The following OSBPL9 variants were observed in gnomAD, a reference collection of about 807,000 sequenced individuals.
The protein encoded by OSBPL9 is oxysterol binding protein like 9.
A neutral mutation model predicts 106.6 loss-of-function variants in OSBPL9; 40 were observed. The observed-to-expected ratio is 0.38, with a 90% CI of 0.29 to 0.49. The LOEUF (loss-of-function observed/expected upper bound fraction) is 0.49. Ranked by LOEUF, OSBPL9 falls within the 20% of genes least tolerant of loss-of-function variation. The pLI is 0.97. For missense variants in OSBPL9, 609 were observed against 887.2 expected, an observed-to-expected ratio of 0.69 and a Z score of 3.98; for synonymous variants, 269 against 295.4, an observed-to-expected ratio of 0.91 and a Z score of 0.92.
At chr1:51,579,979 G>A (rs1194043869) in intron 1 of OSBPL9, among the ~76,000 whole-genome samples, 1 of 152,110 alleles carries the variant, frequency 6.6e-6, no homozygotes, top group African/African-American at 2.4e-5. Flanking sequence ...TGTCTCCACC[G>A]TCCTTGTTCT....
At chr1:51,540,437 A>G in the OSBPL9 span, among the ~76,000 whole-genome samples, 6 of 151,910 alleles carry the variant, frequency 3.9e-5, no homozygotes, top group Non-Finnish European at 7.4e-5. Flanking sequence ...TGGGCAGATC[A>G]CGAGGTCAAG....
chr1:51,740,112 C>G (rs1293365438), intron 4 of OSBPL9: 1 of 1,548,720 alleles, frequency 6.5e-7, no homozygotes, highest in African/African-American at 1.4e-5. Context: ...TGGTAACTTT[C>G]TATTCTCTCT....
intron 1 of OSBPL9, among the ~76,000 whole-genome samples, chr1:51,630,542 T>C (rs1324981186): frequency 6.6e-6 from 1 of 152,202 alleles, no homozygotes; most frequent in Non-Finnish European, 1.5e-5. Context: ...TACACCTGTA[T>C]AGGGCACTTA....
rs772107797 is a variant in OSBPL9 at position 51,786,624 on chromosome 1, C to T, written c.2000+7C>T. The T allele has an allele frequency of 1.0e-5, 16 of 1,605,824 alleles. No individual in the cohort carries two copies. Among genetic ancestry groups the T allele is most frequent in the Admixed American group, 3.3e-5 (2 of 59,912 alleles). The stretch of plus-strand genomic sequence containing the variant: ...ACGAGTATGAATCCCGCAGGTAAGC[C>T]GACATTGTTAAGTGGAACTATTGCT... On this transcript the variant is annotated splice_region_variant and intron_variant, in intron 22 of 23. Coordinates refer to ENST00000428468, the MANE Select transcript of OSBPL9 (RefSeq NM_024586.6).
chr1:51,641,875 G>A (rs187852455), intron 1 of OSBPL9, among the ~76,000 whole-genome samples: 1 of 152,234 alleles, frequency 6.6e-6, no homozygotes, highest in East Asian at 1.9e-4. Context: ...ATATCCTAAG[G>A]TGTTTGCTGC....
At chr1:51,750,284 T>G (rs954378765) in intron 8 of OSBPL9, 89 bp downstream of exon 8, 1 of 806,348 alleles carries the variant, frequency 1.2e-6, no homozygotes, top group African/African-American at 1.7e-5. Flanking sequence ...AACTCAGATC[T>G]GAAACATAGT....
At chr1:51,766,413 A>G (rs1672563848) in intron 12 of OSBPL9, among the ~76,000 whole-genome samples, 1 of 152,220 alleles carries the variant, frequency 6.6e-6, no homozygotes, top group African/African-American at 2.4e-5. Flanking sequence ...TTCAACACCT[A>G]TCAGCCAGGC....
chr1:51,667,892 T>C (rs1438099696), intron 2 of OSBPL9, among the ~76,000 whole-genome samples: 1 of 152,198 alleles, frequency 6.6e-6, no homozygotes, highest in Non-Finnish European at 1.5e-5. Context: ...TTTCCCTATT[T>C]GAAAATGGAG....
chr1:51,574,938 G>C (rs1237956890), upstream of OSBPL9, among the ~76,000 whole-genome samples: 1 of 152,154 alleles, frequency 6.6e-6, no homozygotes, highest in South Asian at 2.1e-4. Flanking sequence ...TGATAAATTT[G>C]TTTTGCTTTG....
At chr1:51,765,084 TG>T (rs1315288673) in intron 11 of OSBPL9, among the ~76,000 whole-genome samples, 3 of 152,236 alleles carry the variant, frequency 2.0e-5, no homozygotes, top group Admixed American at 1.3e-4. Flanking sequence ...GATACTTTTT[TG>T]TTCTTGCTTT....
rs1667807033 is a variant in OSBPL9, at chr1:51,745,554, G to A, written c.337G>A (p.Val113Ile). The A allele has an allele frequency of 1.9e-6, 3 of 1,610,604 alleles. No individual in the cohort carries two copies. Among genetic ancestry groups the A allele is most frequent in the Non-Finnish European group, 1.7e-6 (2 of 1,178,734 alleles). ...LQLQGLDSGF[V>I]PSVQDFDKKL... ...TCTCTAGGGTTTGGATTCAGGATTT[G>A]TTCCTAGTGTCCAAGATTTTGATAA... Residue 113 changes from valine (V) to isoleucine (I), a missense_variant, in exon 5 of 24, where the codon GTT (valine) becomes ATT (isoleucine). Val to Ile is a conservative substitution (Grantham distance 29). Coordinates refer to ENST00000428468, the MANE Select transcript of OSBPL9 (RefSeq NM_024586.6).
At chr1:51,615,726 G>A (rs546959450), upstream of OSBPL9, among the ~76,000 whole-genome samples, 11 of 152,092 alleles carry the variant, frequency 7.2e-5, no homozygotes, top group African/African-American at 1.9e-4. Flanking sequence ...ATATTTGCAC[G>A]GCTGGCCTTT....
chr1:51,733,138 T>G (rs1040846110), intron 4 of OSBPL9, among the ~76,000 whole-genome samples: 2 of 152,180 alleles, frequency 1.3e-5, no homozygotes, highest in Non-Finnish European at 1.5e-5. Flanking sequence ...TTTGCTCATA[T>G]CTCCATATCA....
intron 3 of OSBPL9, chr1:51,707,313 T>G (rs1464354131): frequency 4.9e-6 from 1 of 203,334 alleles, no homozygotes; most frequent in East Asian, 1.5e-4. Context: ...CACCCGGGTG[T>G]TCAGTATAGC....
At chr1:51,710,796 T>C (rs1187518877) in intron 3 of OSBPL9, among the ~76,000 whole-genome samples, 3 of 152,216 alleles carry the variant, frequency 2.0e-5, no homozygotes, top group Non-Finnish European at 4.4e-5. Context: ...TTTAAAGATA[T>C]TTCCTATATC....
At chr1:51,549,687 C>T in the OSBPL9 span, among the ~76,000 whole-genome samples, 1 of 152,108 alleles carries the variant, frequency 6.6e-6, no homozygotes, top group African/African-American at 2.4e-5. Context: ...CAAAAATTAG[C>T]CAGATGTGGT....
At chr1:51,566,339 T>C in the OSBPL9 span, 1 of 152,272 alleles carries the variant, frequency 6.6e-6, no homozygotes, top group African/African-American at 2.4e-5. Flanking sequence ...TGATGTCAGG[T>C]TTCTTGTCTT....
chr1:51,530,133 T>TGCATTCCA, the OSBPL9 span, among the ~76,000 whole-genome samples: 1 of 119,920 alleles, frequency 8.3e-6, no homozygotes. Flanking sequence ...ATCGTGCCAC[T>TGCATTCCA]GCATTCCAGC....
At chr1:51,678,475 A>G (rs1487503210) in intron 3 of OSBPL9, among the ~76,000 whole-genome samples, 2 of 152,166 alleles carry the variant, frequency 1.3e-5, no homozygotes, top group East Asian at 1.9e-4. Context: ...AGCCTGGCCA[A>G]CATGGGGAAA....
Sources: allele counts gnomAD v4.1 joint callset (sites outside exome capture counted in the v4.1 genomes callset), GRCh38; gene constraint gnomAD v4.1.1; transcripts MANE v1.5; gene names NCBI Gene and HGNC (gene_info 2026-07-23, HGNC 2026-07-21).